The following NOL4L variants were observed in gnomAD, a reference collection of about 807,000 sequenced individuals.
NOL4L encodes nucleolar protein 4-like.
NOL4L carries 7 observed loss-of-function variants against 64.5 expected under a neutral mutation model. That is an observed-to-expected ratio of 0.11 (90% confidence interval 0.06 to 0.20). The LOEUF (loss-of-function observed/expected upper bound fraction) is 0.20. Among genes scored for constraint, NOL4L ranks in the 10% least tolerant of loss-of-function variants. The probability of loss-of-function intolerance (pLI) is 1.00; values close to 1 mark genes in which losing one functional copy is unlikely to be tolerated. For synonymous variants in NOL4L, 413 were observed against 401.0 expected (o/e 1.03, Z -0.36); for missense variants, 680 against 967.1 (o/e 0.70, Z 3.94).
intron 1 of NOL4L, among the ~76,000 whole-genome samples, chr20:32,571,186 TTTTG>T (rs972637516): frequency 6.6e-6 from 1 of 152,088 alleles, no homozygotes; most frequent in Non-Finnish European, 1.5e-5. Context: ...GTGGGGGTTT[TTTTG>T]TTTGTTTGTT....
At chr20:32,566,392 C>G (rs549134182) in intron 1 of NOL4L, among the ~76,000 whole-genome samples, 2 of 150,622 alleles carry the variant, frequency 1.3e-5, no homozygotes, top group Non-Finnish European at 3.0e-5. Flanking sequence ...GGCAGCAAGG[C>G]ACCTGCCCCA....
chr20:32,485,713 T>C (rs1300387510), intron 4 of NOL4L: 1 of 470,446 alleles, frequency 2.1e-6, no homozygotes. Context: ...CCACAGCTCT[T>C]AAGTTCATCC....
chr20:32,548,748 T>A (rs1052940159), intron 1 of NOL4L: 1 of 415,166 alleles, frequency 2.4e-6, no homozygotes, highest in African/African-American at 2.1e-5. Context: ...AACTCGCCCA[T>A]GCTTGAAATG....
In NOL4L at chr20:32,453,522, G is replaced by T; in HGVS notation, c.1306-27C>A. 1 of 1,613,408 alleles carries T rather than the reference G, an allele frequency of 6.2e-7. No homozygotes were observed. Among genetic ancestry groups the T allele is most frequent in the South Asian group, 1.1e-5 (1 of 91,084 alleles). Reference sequence around the variant, plus strand: ...TGTGGAGACACGGGCCATGGGAAGGGCTGGCCCTGGCCTTGCCCCCATCCC... The same window carrying T: ...TGTGGAGACACGGGCCATGGGAAGGTCTGGCCCTGGCCTTGCCCCCATCCC... On this transcript the variant is annotated intron_variant, in intron 7 of 10. Coordinates refer to ENST00000621426, the MANE Select transcript of NOL4L (RefSeq NM_001256798.2). This position sits in a 1 kb window ranked among gnomAD's most constrained non-coding sequence, Gnocchi z 5.6.
intron 1 of NOL4L, chr20:32,536,029 G>A: frequency 1.0e-6 from 1 of 985,686 alleles, no homozygotes; most frequent in Non-Finnish European, 1.2e-6. Flanking sequence ...CCAGGCAAGG[G>A]GCTGTCCTGC....
intron 4 of NOL4L, among the ~76,000 whole-genome samples, chr20:32,476,184 CACACACCCGGAGGG>C (rs1480323347): frequency 7.1e-6 from 1 of 140,630 alleles, no homozygotes; most frequent in African/African-American, 2.7e-5. Flanking sequence ...AAAACTCGCT[CACACACCCGGAGGG>C]ACACACACAC....
intron 4 of NOL4L, among the ~76,000 whole-genome samples, chr20:32,509,472 TG>T (rs1568669247): frequency 2.3e-5 from 3 of 127,702 alleles, no homozygotes; most frequent in African/African-American, 9.3e-5. Flanking sequence ...GAGCCGAGAT[TG>T]GGCCACTGCA....
At chr20:32,547,789 C>A (rs141619513) in intron 1 of NOL4L, among the ~76,000 whole-genome samples, 49 of 152,282 alleles carry the variant, frequency 3.2e-4, no homozygotes, top group Admixed American at 7.8e-4. Flanking sequence ...CTGGAAGCAG[C>A]TCCAGCCATG....
At chr20:32,574,160 A>C (rs1469041390) in intron 1 of NOL4L, among the ~76,000 whole-genome samples, 1 of 152,240 alleles carries the variant, frequency 6.6e-6, no homozygotes, top group Admixed American at 6.5e-5. Context: ...ATCCAAATGC[A>C]GGACTGTCCT....
intron 4 of NOL4L, among the ~76,000 whole-genome samples, chr20:32,483,827 C>T (rs2015914283): frequency 8.9e-6 from 1 of 111,774 alleles, no homozygotes; most frequent in Non-Finnish European, 1.8e-5. Context: ...GAGAGAGGCG[C>T]GGGGGGAGAA....
intron 1 of NOL4L, among the ~76,000 whole-genome samples, chr20:32,549,228 T>A (rs1005235160): frequency 6.6e-6 from 1 of 152,230 alleles, no homozygotes; most frequent in Non-Finnish European, 1.5e-5. Context: ...AAGGGACTTG[T>A]ATCTAGAATA....
Position 32,560,387 on chromosome 20 carries a change from C to T in NOL4L, c.321+24183G>A, listed in dbSNP as rs529189005. On this transcript the variant is annotated intron_variant, in intron 1 of 10. Transcript: ENST00000621426. ...AGAGGAAACTGAGGCTCAGAGAGGC[C>T]GAGCCACCTGTCTAAGGTCATACGG... is the stretch of plus-strand genomic sequence containing the variant. Among the ~76,000 whole-genome samples the T allele has an allele frequency of 6.6e-5, 10 of 152,260 alleles. No homozygotes were observed. In the South Asian group the frequency reaches 1.5e-3, roughly 22 times the overall value.
At position 32,584,896 on chromosome 20, in the gene NOL4L, C is replaced by T. The variant is rs1442508544; in HGVS notation, c.-6G>A. ...AGCAGCGTCGGCTTCGGCATCCTCC[C>T]GCCGCGCCCGGCGCCCTCGGGGGCG... On this transcript the variant is annotated 5_prime_UTR_variant, in exon 1 of 11. Coordinates refer to ENST00000621426, the MANE Select transcript of NOL4L (RefSeq NM_001256798.2). 1.6e-6 allele frequency: 2 copies of T among 1,235,392 alleles called. No individual in the cohort carries two copies. The highest frequency in any genetic ancestry group is 2.0e-6 in the Non-Finnish European group (2 of 990,832). The allele number at this position is 1,235,392 out of a possible 1,614,324, so 76.5% of individuals were successfully genotyped here.
chr20:32,521,899 C>G (rs1243575964), intron 2 of NOL4L, among the ~76,000 whole-genome samples: 1 of 152,246 alleles, frequency 6.6e-6, no homozygotes, highest in Non-Finnish European at 1.5e-5. Flanking sequence ...GGGGCAGCAT[C>G]ACCCAAGCGT....
rs1167969757 is a variant in NOL4L at position 32,476,198 on chromosome 20, GACACACACACAC to G, written c.700-1468_700-1457del. On this transcript the variant is annotated intron_variant, in intron 4 of 10. Coordinates refer to ENST00000621426, the MANE Select transcript of NOL4L (RefSeq NM_001256798.2). ...GAAAACTCGCTCACACACCCGGAGGGACACACACACACACACACACACACACACACACACACA... is the reference window on the plus strand; with the variant it reads ...GAAAACTCGCTCACACACCCGGAGGGACACACACACACACACACACACACA... Among the ~76,000 whole-genome samples the G allele has an allele frequency of 2.5e-4, 35 of 140,974 alleles. 1 individual carries two copies. Among genetic ancestry groups the G allele is most frequent in the African/African-American group, 8.0e-4 (30 of 37,496 alleles). The allele number at this position is 140,974 out of a possible 152,430, so 92.5% of individuals were successfully genotyped here. A position where few individuals can be genotyped will look rare whatever the true frequency, so the allele number is the denominator to read the frequency against.
intron 1 of NOL4L, among the ~76,000 whole-genome samples, chr20:32,580,012 G>A (rs1354236686): frequency 6.6e-6 from 1 of 152,196 alleles, no homozygotes; most frequent in Non-Finnish European, 1.5e-5. Context: ...CTTGACCAGA[G>A]GGATGCTTTG....
chr20:32,453,755 G>A lies in NOL4L; in HGVS notation c.1126C>T (p.Pro376Ser), dbSNP rs1332248089. The A allele has an allele frequency of 3.1e-5, 48 of 1,552,864 alleles. 1 individual carries two copies. The highest frequency in any genetic ancestry group is 4.8e-5 in the South Asian group (4 of 84,172). ...GAATCGTAGCTCCCAGAGCTGTAGG[G>A]GGGGGACTAAAAGGAGGGCAAGAGG... Reference protein sequence around the residue: ...YGVKTTPESPPYSSGSYDSIK... With the variant: ...YGVKTTPESPSYSSGSYDSIK... The change falls in exon 7 of 11, where the codon CCC (proline) becomes TCC (serine). Residue 376 changes from proline (P) to serine (S), a missense_variant. Transcript: ENST00000621426. This position sits in a 1 kb window ranked among gnomAD's most constrained non-coding sequence, Gnocchi z 5.6.
At chr20:32,518,363 G>A (rs2017767054) in intron 3 of NOL4L, among the ~76,000 whole-genome samples, 1 of 152,234 alleles carries the variant, frequency 6.6e-6, no homozygotes, top group African/African-American at 2.4e-5. Context: ...CTCCCTGGGG[G>A]TGGGGTGTGG....
chr20:32,553,878 G>T (rs567551149), intron 1 of NOL4L, among the ~76,000 whole-genome samples: 1 of 152,362 alleles, frequency 6.6e-6, no homozygotes, highest in South Asian at 2.1e-4. Context: ...ATAGTGACGT[G>T]CCTGGATGGG....
Sources: allele counts gnomAD v4.1 joint callset (sites outside exome capture counted in the v4.1 genomes callset), GRCh38; gene constraint gnomAD v4.1.1; non-coding constraint Gnocchi (gnomAD v3.1); transcripts MANE v1.5; gene names NCBI Gene and HGNC (gene_info 2026-07-23, HGNC 2026-07-21).